Variants in IGSF11 observed in about 807,000 individuals in gnomAD.
IGSF11 encodes the protein CXADR like 1.
IGSF11 carries 22 observed loss-of-function variants against 41.0 expected under a neutral mutation model. The observed-to-expected ratio is 0.54, with a 90% CI of 0.38 to 0.77. The LOEUF is 0.77. Ranked by LOEUF, IGSF11 falls within the 30% of genes least tolerant of loss-of-function variation. The pLI is 0.00. For synonymous variants in IGSF11, 219 were observed against 201.3 expected (o/e 1.09, Z -0.74); for missense variants, 444 against 530.8 (o/e 0.84, Z 1.61).
At chr3:118,916,017 G>A (rs2107500634) in intron 4 of IGSF11, among the ~76,000 whole-genome samples, 2 of 143,314 alleles carry the variant, frequency 1.4e-5, no homozygotes, top group Non-Finnish European at 3.0e-5. Context: ...AGCTTCATAA[G>A]TGAAGGAGAA....
intron 1 of IGSF11, among the ~76,000 whole-genome samples, chr3:119,123,477 C>A (rs1356892059): frequency 6.6e-6 from 1 of 152,218 alleles, no homozygotes; most frequent in African/African-American, 2.4e-5. Flanking sequence ...TTGCCACCTG[C>A]TGATTGTACA....
chr3:119,081,412 G>A (rs1338147948), intron 1 of IGSF11, among the ~76,000 whole-genome samples: 1 of 151,984 alleles, frequency 6.6e-6, no homozygotes, highest in East Asian at 1.9e-4. Context: ...ATAATACCTA[G>A]GTGAATACTG....
At chr3:119,095,163 A>G (rs975593943) in intron 1 of IGSF11, among the ~76,000 whole-genome samples, 1 of 152,204 alleles carries the variant, frequency 6.6e-6, no homozygotes, top group African/African-American at 2.4e-5. Context: ...AGCTGAATCT[A>G]ATACATACAC....
chr3:118,945,432 A>T (rs1237305762), intron 1 of IGSF11, among the ~76,000 whole-genome samples: 1 of 152,224 alleles, frequency 6.6e-6, no homozygotes, highest in Non-Finnish European at 1.5e-5. Context: ...CTGTCACCTC[A>T]GAGTAGTCAA....
intron 1 of IGSF11, among the ~76,000 whole-genome samples, chr3:118,960,856 T>C (rs1025767581): frequency 3.3e-5 from 5 of 152,236 alleles, no homozygotes; most frequent in Non-Finnish European, 5.9e-5. Context: ...TTCATTTATA[T>C]AGTTGATTTA....
intron 4 of IGSF11, 41 bp downstream of exon 4, chr3:118,926,060 C>T (rs1274523760): frequency 7.3e-7 from 1 of 1,370,724 alleles, no homozygotes; most frequent in Non-Finnish European, 9.7e-7. Context: ...TAGAATTGTC[C>T]ATGATAACTA....
At chr3:118,977,661 A>G (rs1464132715) in intron 1 of IGSF11, among the ~76,000 whole-genome samples, 1 of 152,146 alleles carries the variant, frequency 6.6e-6, no homozygotes, top group Non-Finnish European at 1.5e-5. Context: ...AGAACGGGTG[A>G]GAGACCCCAG....
rs148772016 is a variant in IGSF11, at chr3:118,946,204, GCACACA to G, written c.53-15935_53-15930del. On this transcript the variant is annotated intron_variant, in intron 1 of 6. Transcript: ENST00000393775. ...TTAACCATTGGCTACACACACACAC[GCACACA>G]CACACACACACACACAAACATATAT... is the stretch of plus-strand genomic sequence containing the variant. Among the ~76,000 whole-genome samples, 216 of 140,726 alleles carry G rather than the reference GCACACA, an allele frequency of 1.5e-3. 1 individual carries two copies. Among genetic ancestry groups the G allele is most frequent in the African/African-American group, 4.2e-3 (160 of 38,370 alleles). 92.3% of individuals were successfully genotyped at this position (140,726 alleles called of 152,430 possible). A position where few individuals can be genotyped will look rare whatever the true frequency, so the allele number is the denominator to read the frequency against.
chr3:119,021,545 AAACAAAGTGTAAGACCAT>A (rs1312560891), intron 1 of IGSF11, among the ~76,000 whole-genome samples: 1 of 152,130 alleles, frequency 6.6e-6, no homozygotes, highest in African/African-American at 2.4e-5. Context: ...TCTATAGGTA[AAACAAAGTGTAAGACCAT>A]AACAAAGTGT....
chr3:118,930,461 C>T (rs1445604446), intron 1 of IGSF11, among the ~76,000 whole-genome samples, 186 bp from the exon 2 acceptor site: 1 of 152,184 alleles, frequency 6.6e-6, no homozygotes, highest in African/African-American at 2.4e-5. Context: ...ATCCCTTTAC[C>T]TCCTGAAAAC....
chr3:119,118,240 C>T (rs2077285779), intron 1 of IGSF11, among the ~76,000 whole-genome samples: 2 of 152,222 alleles, frequency 1.3e-5, no homozygotes, highest in Admixed American at 1.3e-4. Context: ...TCCAAGAGGG[C>T]CCCATTCCTG....
intron 1 of IGSF11, among the ~76,000 whole-genome samples, chr3:119,089,467 A>G (rs1418411170): frequency 6.6e-6 from 1 of 152,174 alleles, no homozygotes; most frequent in Non-Finnish European, 1.5e-5. Context: ...CCCACAGCCA[A>G]CATTATACTG....
chr3:118,965,128 T>C (rs1383006902), intron 1 of IGSF11, among the ~76,000 whole-genome samples: 1 of 152,158 alleles, frequency 6.6e-6, no homozygotes, highest in African/African-American at 2.4e-5. Context: ...ATAAAACTCA[T>C]AGGCTGATTA....
chr3:119,054,513 T>C (rs1004544867), intron 1 of IGSF11, among the ~76,000 whole-genome samples: 1 of 152,082 alleles, frequency 6.6e-6, no homozygotes, highest in Non-Finnish European at 1.5e-5. Context: ...ACGGCCATAA[T>C]TGAAAACTAA....
At chr3:118,998,745 C>T (rs866254382) in intron 1 of IGSF11, among the ~76,000 whole-genome samples, 3 of 152,022 alleles carry the variant, frequency 2.0e-5, no homozygotes, top group African/African-American at 7.2e-5. Flanking sequence ...CTCAATATAA[C>T]CTTAAATTTC....
intron 1 of IGSF11, among the ~76,000 whole-genome samples, chr3:118,964,707 T>A (rs182840846): frequency 1.3e-5 from 2 of 152,280 alleles, no homozygotes; most frequent in Admixed American, 6.5e-5. Flanking sequence ...TTACCCAATT[T>A]ATGAGGAGAA....
intron 1 of IGSF11, among the ~76,000 whole-genome samples, chr3:119,045,684 G>A (rs1349059407): frequency 6.6e-6 from 1 of 151,968 alleles, no homozygotes; most frequent in Admixed American, 6.6e-5. Context: ...CTCCACCTCT[G>A]GGGGCAGGGC....
At chr3:119,047,152 A>G (rs1423743776) in intron 1 of IGSF11, among the ~76,000 whole-genome samples, 1 of 151,198 alleles carries the variant, frequency 6.6e-6, no homozygotes, top group Non-Finnish European at 1.5e-5. Flanking sequence ...AACACTATTA[A>G]CTTCAAATGT....
rs1208158174 is a variant in IGSF11 at position 118,988,372 on chromosome 3, C to T, written c.52+46159G>A. Among the ~76,000 whole-genome samples the T allele has an allele frequency of 2.0e-5, 3 of 152,192 alleles. No individual in the cohort carries two copies. In the East Asian group the frequency reaches 5.8e-4, roughly 29 times the overall value. ...ATTCAGTCTGGAATTCAAATGAGGA[C>T]ACATGTTAAAAAGGGAGTATGACCT... On this transcript the variant is annotated intron_variant, in intron 1 of 6. Transcript: ENST00000393775.
Sources: allele counts gnomAD v4.1 joint callset (sites outside exome capture counted in the v4.1 genomes callset), GRCh38; gene constraint gnomAD v4.1.1; transcripts MANE v1.5; gene names NCBI Gene and HGNC (gene_info 2026-07-23, HGNC 2026-07-21).